METTL22: variants seen among roughly 807,000 people sequenced by gnomAD.
METTL22 encodes methyltransferase-like protein 22.
Under a neutral mutation model 48.4 loss-of-function variants are expected in METTL22, and 51 were observed. The observed-to-expected ratio is 1.05, with a 90% CI of 0.84 to 1.33. The LOEUF (loss-of-function observed/expected upper bound fraction) is 1.33, where lower values mean the gene tolerates loss of function less well. Ranked by LOEUF, METTL22 falls within the 40% of genes most tolerant of loss-of-function variation. The probability of loss-of-function intolerance (pLI) is 0.00; values close to 1 mark genes in which losing one functional copy is unlikely to be tolerated. For missense variants in METTL22, 678 were observed against 526.9 expected (o/e 1.29, Z -2.81); for synonymous variants, 255 against 214.1 (o/e 1.19, Z -1.67).
At chr16:8,640,938 A>C (rs879009540) in intron 6 of METTL22, among the ~76,000 whole-genome samples, 193 bp from the exon 7 acceptor site, 241 of 16,300 alleles carry the variant, frequency 0.015, 16 homozygotes, top group Non-Finnish European at 0.019. Flanking sequence ...GGATGGATGG[A>C]TGGATGGGTG....
At chr16:8,634,696 AATT>A (rs1172300411) in intron 3 of METTL22, among the ~76,000 whole-genome samples, 9 of 152,176 alleles carry the variant, frequency 5.9e-5, no homozygotes, top group African/African-American at 2.2e-4. Flanking sequence ...GTAACTTTGC[AATT>A]ATTGGTCATG....
intron 1 of METTL22, among the ~76,000 whole-genome samples, chr16:8,624,444 T>G (rs2055970899): frequency 6.6e-6 from 1 of 151,760 alleles, no homozygotes; most frequent in African/African-American, 2.4e-5. Context: ...CAGTGACGCA[T>G]TCTCAGCTCA....
chr16:8,639,108 T>C lies in METTL22; in HGVS notation c.718T>C (p.Leu240=), dbSNP rs764316739. The part of the protein sequence containing the change: ...VYCTDVGADL[L]SMCQRNIALN... ...CATTCCAGATGTCGGTGCAGATCTC[T>C]TGTCCATGTGCCAGCGAAACATTGC... Residue 240 remains leucine (L), a synonymous_variant, in exon 6 of 11, where the codon TTG becomes CTG. Coordinates refer to ENST00000381920, the MANE Select transcript of METTL22 (RefSeq NM_024109.4). 3 of 1,613,976 alleles carry C rather than the reference T, an allele frequency of 1.9e-6. No homozygotes were observed. Among genetic ancestry groups the C allele is most frequent in the Non-Finnish European group, 2.5e-6 (3 of 1,179,996 alleles).
chr16:8,625,873 A>G (rs529254891), intron 2 of METTL22, 75 bp downstream of exon 2: 1,071 of 1,567,062 alleles, frequency 6.8e-4, no homozygotes, highest in Non-Finnish European at 8.6e-4. Flanking sequence ...TTTTGGGGAA[A>G]ATATTGGGAA....
At chr16:8,657,998 G>A in the METTL22 span, among the ~76,000 whole-genome samples, 1 of 152,054 alleles carries the variant, frequency 6.6e-6, no homozygotes, top group Non-Finnish European at 1.5e-5. Flanking sequence ...TCTGTTTTTA[G>A]CAGAGACGGG....
At chr16:8,646,025 T>TTCCCTGCTCCG in intron 10 of METTL22, 83 bp from the exon 11 acceptor site, 2 of 1,599,014 alleles carry the variant, frequency 1.3e-6, no homozygotes, top group Non-Finnish European at 8.5e-7. Flanking sequence ...ACTACTCTCC[T>TTCCCTGCTCCG]TGGTGAATCA....
At position 8,625,663 on chromosome 16, in the gene METTL22, GC is replaced by G; in HGVS notation, c.-1del. ...GTCCTAGGACTAAGGTGGAGCCTGG[GC>G]CATGGTACAGCTGGCTCCTGCGGCA... On this transcript the variant is annotated 5_prime_UTR_variant, in exon 2 of 11. Transcript: ENST00000381920. The G allele has an allele frequency of 6.2e-7, 1 of 1,614,058 alleles. No individual in the cohort carries two copies. Among genetic ancestry groups the G allele is most frequent in the Non-Finnish European group, 8.5e-7 (1 of 1,180,000 alleles).
intron 1 of METTL22, among the ~76,000 whole-genome samples, chr16:8,623,062 C>G (rs772578686): frequency 7.2e-5 from 11 of 151,966 alleles, no homozygotes; most frequent in Non-Finnish European, 1.6e-4. Context: ...ACCTATAATC[C>G]CAGCACTTTG....
chr16:8,653,161 G>T (rs2056923305), downstream of METTL22, among the ~76,000 whole-genome samples: 1 of 152,222 alleles, frequency 6.6e-6, no homozygotes, highest in South Asian at 2.1e-4. Flanking sequence ...GTGTGGTACA[G>T]TGGCCCCAAG....
chr16:8,638,332 G>A (rs2056487307), intron 5 of METTL22, among the ~76,000 whole-genome samples: 1 of 152,108 alleles, frequency 6.6e-6, no homozygotes, highest in Non-Finnish European at 1.5e-5. Context: ...GCCCACAGTG[G>A]ACCAAGCAAA....
At chr16:8,667,255 TTTTA>T in the METTL22 span, 63 of 151,596 alleles carry the variant, frequency 4.2e-4, no homozygotes, top group African/African-American at 1.3e-3. Context: ...AATAAAGTTG[TTTTA>T]TTTATTTATT....
At chr16:8,650,332 GA>G (rs924111829), downstream of METTL22, among the ~76,000 whole-genome samples, 27 of 151,362 alleles carry the variant, frequency 1.8e-4, no homozygotes, top group African/African-American at 3.4e-4. Context: ...TATTTCTAAA[GA>G]AAAAAAAACC....
At chr16:8,641,229 C>G in intron 7 of METTL22, 45 bp downstream of exon 7, 1 of 1,585,986 alleles carries the variant, frequency 6.3e-7, no homozygotes, top group Non-Finnish European at 8.7e-7. Context: ...TCAGTGATTC[C>G]TTTGTAATAC....
rs537466480 is a variant in METTL22 at position 8,637,469 on chromosome 16, T to C, written c.701-1622T>C. 2.6e-4 allele frequency among the ~76,000 whole-genome samples: 39 copies of C among 152,386 alleles called. 1 individual carries two copies. Among genetic ancestry groups the C allele is most frequent in the Admixed American group, 2.2e-3 (34 of 15,312 alleles). ...GAAGAAAGCTTGCATTTAGATGCCA[T>C]GTTCCAGTTGGAAAAGTCCTTTCAG... On this transcript the variant is annotated intron_variant, in intron 5 of 10. Coordinates refer to ENST00000381920, the MANE Select transcript of METTL22 (RefSeq NM_024109.4).
the METTL22 span, among the ~76,000 whole-genome samples, chr16:8,661,348 A>G: frequency 0.64 from 96,306 of 151,084 alleles, 32,069 homozygotes; most frequent in East Asian, 0.91. Flanking sequence ...ACCCGCCTTT[A>G]TTAAGAACTT....
chr16:8,636,824 C>G (rs1050341863), intron 5 of METTL22, among the ~76,000 whole-genome samples: 1 of 152,160 alleles, frequency 6.6e-6, no homozygotes, highest in Admixed American at 6.6e-5. Flanking sequence ...TGAGACTATT[C>G]TTAAGCTTTT....
the METTL22 span, chr16:8,667,206 C>T: frequency 6.6e-6 from 1 of 151,968 alleles, no homozygotes; most frequent in Non-Finnish European, 1.5e-5. Context: ...AATCTCAGTT[C>T]AGGTTTTCTT....
the METTL22 span, among the ~76,000 whole-genome samples, chr16:8,657,159 C>A: frequency 2.6e-5 from 4 of 152,176 alleles, no homozygotes; most frequent in African/African-American, 9.7e-5. Flanking sequence ...GAGGAAGATG[C>A]CACTTCAGGG....
chr16:8,627,924 G>A (rs2056117590), intron 2 of METTL22, among the ~76,000 whole-genome samples: 1 of 152,112 alleles, frequency 6.6e-6, no homozygotes, highest in Admixed American at 6.6e-5. Flanking sequence ...TTTTTTTGTA[G>A]AGAAGGGGAT....
Sources: allele counts gnomAD v4.1 joint callset (sites outside exome capture counted in the v4.1 genomes callset), GRCh38; gene constraint gnomAD v4.1.1; transcripts MANE v1.5; gene names NCBI Gene and HGNC (gene_info 2026-07-23, HGNC 2026-07-21).